Variants in FBXW8 observed in about 807,000 individuals in gnomAD.
FBXW8 encodes F-box and WD repeat domain containing 8.
A neutral mutation model predicts 65.3 loss-of-function variants in FBXW8; 57 were observed. The ratio of observed to expected loss-of-function variants is 0.87; its 90% confidence interval spans 0.71 to 1.09. The LOEUF (loss-of-function observed/expected upper bound fraction) is 1.09. FBXW8 is among the 50% of genes least tolerant of loss of function. The pLI, the probability that FBXW8 is intolerant of heterozygous loss-of-function variation, is 0.00. For missense variants in FBXW8, 777 were observed against 814.8 expected (o/e 0.95, Z 0.57); for synonymous variants, 308 against 330.2 (o/e 0.93, Z 0.73).
At chr12:116,934,336 C>G (rs533613353) in intron 2 of FBXW8, among the ~76,000 whole-genome samples, 17 of 152,022 alleles carry the variant, frequency 1.1e-4, no homozygotes, top group Non-Finnish European at 2.4e-4. Context: ...TGTTTCTTGC[C>G]GAAACATCTT....
At position 116,928,096 on chromosome 12, in the gene FBXW8, T is replaced by G. The variant is rs769131698; in HGVS notation, c.392T>G (p.Leu131Arg). ...YELAINIFQY[L>R]DRKELGRCAQ... is the part of the protein sequence containing the mutation. ...TTGGCAATCAATATATTTCAGTATC[T>G]GGACAGGAAAGAACTAGGAAGATGT... The change falls in exon 2 of 11, where the codon CTG becomes CGG. Residue 131 changes from leucine (L) to arginine (R), a missense_variant. By Grantham distance (102) the Leu-to-Arg change is moderately radical (BLOSUM62 -2). Transcript: ENST00000652555. 6.2e-7 allele frequency: 1 copy of G among 1,611,462 alleles called. No individual in the cohort carries two copies. Among genetic ancestry groups the G allele is most frequent in the Non-Finnish European group, 8.5e-7 (1 of 1,178,804 alleles).
intron 6 of FBXW8, 43 bp from the exon 7 acceptor site, chr12:116,988,620 C>T (rs755595921): frequency 9.5e-6 from 15 of 1,573,006 alleles, no homozygotes; most frequent in Non-Finnish European, 1.2e-5. Context: ...TTGATCAAGT[C>T]AGGATGAATT....
intron 2 of FBXW8, among the ~76,000 whole-genome samples, chr12:116,940,392 T>TG (rs1882479050): frequency 7.0e-6 from 1 of 142,012 alleles, no homozygotes; most frequent in African/African-American, 2.6e-5. Flanking sequence ...GCTAAAATGC[T>TG]GGGGGGTGGG....
intron 10 of FBXW8, 77 bp downstream of exon 10, chr12:117,027,581 C>A: frequency 8.9e-7 from 1 of 1,118,380 alleles, no homozygotes; most frequent in Non-Finnish European, 1.3e-6. Flanking sequence ...CCCGCCGTGA[C>A]ACATTGCACC....
chr12:117,027,523 CG>C lies in FBXW8; in HGVS notation c.1652+20del, dbSNP rs769911978. On this transcript the variant is annotated intron_variant, in intron 10 of 10. Transcript: ENST00000652555. ...ACAGGAGGTTAGTGGTGGGGCCGGGCGAGTAAGAGACCATCTTAGTTTGACT... is the reference window on the plus strand; with the variant it reads ...ACAGGAGGTTAGTGGTGGGGCCGGGCAGTAAGAGACCATCTTAGTTTGACT... 14 of 1,589,700 alleles carry C rather than the reference CG, an allele frequency of 8.8e-6. No individual in the cohort carries two copies. Among genetic ancestry groups the C allele is most frequent in the Admixed American group, 8.4e-5 (5 of 59,822 alleles).
chr12:117,011,324 C>G (rs984856815), intron 8 of FBXW8, among the ~76,000 whole-genome samples: 1 of 152,004 alleles, frequency 6.6e-6, no homozygotes, highest in African/African-American at 2.4e-5. Flanking sequence ...GCCTCTGTCC[C>G]GCCAGTGCAG....
intron 7 of FBXW8, among the ~76,000 whole-genome samples, chr12:116,998,399 T>A (rs1215443720): frequency 6.6e-6 from 1 of 152,216 alleles, no homozygotes; most frequent in Non-Finnish European, 1.5e-5. Context: ...CAGAACCATT[T>A]AGATTGAAGA....
chr12:116,972,102 G>A (rs1884679832), intron 5 of FBXW8, among the ~76,000 whole-genome samples: 1 of 152,086 alleles, frequency 6.6e-6, no homozygotes, highest in South Asian at 2.1e-4. Context: ...TTACTCTTTT[G>A]GTTTCTTGGA....
rs532001489 is a variant in FBXW8 at position 117,024,198 on chromosome 12, C to A, written c.1419C>A (p.Ala473=). 3.2e-5 allele frequency: 51 copies of A among 1,614,188 alleles called. 2 individuals are homozygous for A. The South Asian group carries it at 4.7e-4, about 15-fold the overall frequency. Residue 473 remains alanine, a synonymous_variant, in exon 9 of 11, where the codon GCC becomes GCA. Transcript: ENST00000652555. ...GTAACATCGCCCTGTCGCTCTCCGC[C>A]CATCAGCTCAGGGTCTCTGCTGTGC... is the stretch of plus-strand genomic sequence containing the variant. ...RSGNIALSLS[A]HQLRVSAVQM...
chr12:116,925,800 T>C (rs1881279896), intron 1 of FBXW8, among the ~76,000 whole-genome samples: 1 of 152,226 alleles, frequency 6.6e-6, no homozygotes, highest in African/African-American at 2.4e-5. Context: ...ATTTTTATTC[T>C]TAATAGCATA....
chr12:116,922,417 T>A (rs1221138030), intron 1 of FBXW8, among the ~76,000 whole-genome samples: 1 of 152,204 alleles, frequency 6.6e-6, no homozygotes, highest in Non-Finnish European at 1.5e-5. Flanking sequence ...TTATTGCAAA[T>A]CTCTTCTTTG....
chr12:117,000,504 AC>A (rs1335421781), intron 7 of FBXW8, among the ~76,000 whole-genome samples: 2 of 152,178 alleles, frequency 1.3e-5, no homozygotes, highest in African/African-American at 4.8e-5. Context: ...CACTGGCCCC[AC>A]CCCCGGAGCT....
chr12:116,914,991 A>G (rs1880284909), intron 1 of FBXW8, among the ~76,000 whole-genome samples: 1 of 152,272 alleles, frequency 6.6e-6, no homozygotes, highest in South Asian at 2.1e-4. Context: ...GGGTTTAGAG[A>G]CATTATCGTC....
chr12:116,949,873 G>T, intron 4 of FBXW8, 167 bp downstream of exon 4: 1 of 657,698 alleles, frequency 1.5e-6, no homozygotes, highest in South Asian at 1.8e-5. Context: ...TCCCAAGGAC[G>T]TGAGAGCGCG....
At chr12:116,981,506 A>G (rs1015826233) in intron 5 of FBXW8, among the ~76,000 whole-genome samples, 2 of 152,254 alleles carry the variant, frequency 1.3e-5, no homozygotes, top group African/African-American at 4.8e-5. Flanking sequence ...TTTAAGGTTT[A>G]CAAGATGTAC....
chr12:116,968,337 A>G (rs1349702785), intron 5 of FBXW8, among the ~76,000 whole-genome samples: 2 of 152,194 alleles, frequency 1.3e-5, no homozygotes, highest in Non-Finnish European at 2.9e-5. Flanking sequence ...ACAAGAAAAT[A>G]TGAGTGTGTA....
chr12:116,918,248 T>C (rs1424704320), intron 1 of FBXW8, among the ~76,000 whole-genome samples: 2 of 152,200 alleles, frequency 1.3e-5, no homozygotes, highest in Admixed American at 6.5e-5. Flanking sequence ...TTCTTGGAGA[T>C]AGTGGATATA....
intron 1 of FBXW8, among the ~76,000 whole-genome samples, chr12:116,925,522 G>T (rs1299070449): frequency 6.6e-6 from 1 of 152,172 alleles, no homozygotes; most frequent in Non-Finnish European, 1.5e-5. Context: ...TTCCGTTAGT[G>T]TATTGGTTTC....
intron 1 of FBXW8, among the ~76,000 whole-genome samples, chr12:116,920,834 G>A (rs1880841861): frequency 1.3e-5 from 2 of 152,140 alleles, no homozygotes; most frequent in South Asian, 4.1e-4. Context: ...CAGTGTTTGG[G>A]ACCCTTAATG....
Sources: gnomAD v4.1 joint callset for allele counts (sites outside exome capture counted in the v4.1 genomes callset) on GRCh38, gnomAD v4.1.1 for gene constraint, MANE v1.5 for transcripts, NCBI Gene and HGNC (gene_info 2026-07-23, HGNC 2026-07-21) for gene names.